DOK6: variants seen among roughly 807,000 people sequenced by gnomAD.
DOK6 encodes the protein docking protein 6.
DOK6 carries 22 observed loss-of-function variants against 44.0 expected under a neutral mutation model. The ratio of observed to expected loss-of-function variants is 0.50; its 90% CI spans 0.36 to 0.71. The LOEUF (loss-of-function observed/expected upper bound fraction) is 0.71, where lower values mean the gene tolerates loss of function less well. Among genes scored for constraint, DOK6 ranks in the 30% least tolerant of loss-of-function variants. The pLI is 0.00. For synonymous variants in DOK6, 166 were observed against 145.5 expected, an observed-to-expected ratio of 1.14 and a Z score of -1.01; for missense variants, 340 against 416.4, an observed-to-expected ratio of 0.82 and a Z score of 1.60.
chr18:69,648,748 G>T (rs1985147538), intron 3 of DOK6, among the ~76,000 whole-genome samples: 1 of 152,184 alleles, frequency 6.6e-6, no homozygotes, highest in Non-Finnish European at 1.5e-5. Context: ...GGTGGAATTT[G>T]TAGAAAATAA....
chr18:69,416,180 AC>A (rs1436253742), intron 1 of DOK6, among the ~76,000 whole-genome samples: 12 of 2,302 alleles, frequency 5.2e-3, no homozygotes, highest in Admixed American at 0.012. Flanking sequence ...GAAGGAAGGA[AC>A]GAAGGAAGGA....
At chr18:69,729,720 A>G (rs756435411) in intron 5 of DOK6, among the ~76,000 whole-genome samples, 98 of 152,264 alleles carry the variant, frequency 6.4e-4, no homozygotes, top group Non-Finnish European at 1.0e-3. Flanking sequence ...CCCACACACA[A>G]TCTGTTCAAA....
rs565498901 is a variant in DOK6, at chr18:69,412,088, C to T, written c.66+10778C>T. Among the ~76,000 whole-genome samples the T allele has an allele frequency of 6.6e-5, 10 of 152,218 alleles. No homozygotes were observed. The South Asian group carries it at 1.5e-3, about 22-fold the overall frequency. On this transcript the variant is annotated intron_variant, in intron 1 of 7. Coordinates refer to ENST00000382713, the MANE Select transcript of DOK6 (RefSeq NM_152721.6). The stretch of plus-strand genomic sequence containing the variant: ...TATCAGTTTTATCTTTGGTAGTTTT[C>T]GATGCCTTCGAATATATATACTTTT...
chr18:69,630,239 A>G (rs989101873), intron 3 of DOK6, among the ~76,000 whole-genome samples: 3 of 152,188 alleles, frequency 2.0e-5, no homozygotes, highest in Admixed American at 6.5e-5. Flanking sequence ...GAAAGGCTAG[A>G]AAGACCTAAC....
chr18:69,717,688 T>C (rs1986915657), intron 5 of DOK6, among the ~76,000 whole-genome samples: 1 of 152,172 alleles, frequency 6.6e-6, no homozygotes, highest in Admixed American at 6.5e-5. Flanking sequence ...AGTTTGAAAA[T>C]TTCAGCATGC....
chr18:69,772,724 G>A (rs1021510783), intron 7 of DOK6, among the ~76,000 whole-genome samples: 1 of 151,870 alleles, frequency 6.6e-6, no homozygotes, highest in Non-Finnish European at 1.5e-5. Flanking sequence ...AAAGACAAAG[G>A]TTAAGGCCTG....
At chr18:69,638,524 T>G (rs1017185509) in intron 3 of DOK6, among the ~76,000 whole-genome samples, 2 of 152,104 alleles carry the variant, frequency 1.3e-5, no homozygotes, top group Non-Finnish European at 2.9e-5. Flanking sequence ...CCACATGTAT[T>G]TATTTCCAGG....
At position 69,617,730 on chromosome 18, in the gene DOK6, G is replaced by GAAAAA; in HGVS notation, c.289+18232_289+18233insAAAAA. ...AGAAAAGAAAGAAAGAAAGAAAAAAGGGGGAAGGAGGGAAGGAAGGAAGGA... is the reference window on the plus strand; with the variant it reads ...AGAAAAGAAAGAAAGAAAGAAAAAAGAAAAAGGGGAAGGAGGGAAGGAAGGAAGGA... On this transcript the variant is annotated intron_variant, in intron 3 of 7. Coordinates refer to ENST00000382713, the MANE Select transcript of DOK6 (RefSeq NM_152721.6). 1.8e-3 allele frequency among the ~76,000 whole-genome samples: 163 copies of GAAAAA among 88,634 alleles called. 5 individuals carry two copies. The highest frequency in any genetic ancestry group is 3.5e-3 in the Admixed American group (25 of 7,212). The allele number at this position is 88,634 out of a possible 152,430, so 58.1% of individuals were successfully genotyped here.
intron 1 of DOK6, among the ~76,000 whole-genome samples, chr18:69,407,116 G>A (rs529024808): frequency 6.6e-6 from 1 of 152,268 alleles, no homozygotes; most frequent in African/African-American, 2.4e-5. Flanking sequence ...ATATATATTT[G>A]ACATAAATGT....
At chr18:69,441,640 C>A (rs1979139484) in intron 1 of DOK6, among the ~76,000 whole-genome samples, 1 of 152,072 alleles carries the variant, frequency 6.6e-6, no homozygotes, top group African/African-American at 2.4e-5. Context: ...TTTGAGCCCA[C>A]CAGAACATGC....
chr18:69,642,815 A>T (rs1984976913), intron 3 of DOK6, among the ~76,000 whole-genome samples: 1 of 152,184 alleles, frequency 6.6e-6, no homozygotes. Context: ...TGGATATGGT[A>T]GATGTTGCCA....
intron 3 of DOK6, among the ~76,000 whole-genome samples, chr18:69,603,032 A>G (rs2144624570): frequency 6.6e-6 from 1 of 152,374 alleles, no homozygotes; most frequent in Non-Finnish European, 1.5e-5. Flanking sequence ...GTCATGAACA[A>G]TAATGAAGAA....
intron 2 of DOK6, among the ~76,000 whole-genome samples, chr18:69,579,707 G>T (rs1175332604): frequency 6.6e-6 from 1 of 152,018 alleles, no homozygotes; most frequent in Non-Finnish European, 1.5e-5. Context: ...GGAATTACAG[G>T]CACCCACCAC....
At chr18:69,552,288 G>A (rs1002922549) in intron 1 of DOK6, among the ~76,000 whole-genome samples, 1 of 151,874 alleles carries the variant, frequency 6.6e-6, no homozygotes, top group South Asian at 2.1e-4. Flanking sequence ...AGGACATTTG[G>A]AAATATATTA....
intron 3 of DOK6, among the ~76,000 whole-genome samples, chr18:69,648,519 T>C (rs1445609498): frequency 6.6e-6 from 1 of 152,252 alleles, no homozygotes; most frequent in East Asian, 1.9e-4. Flanking sequence ...TGAGAGTTTA[T>C]GTAAATGACC....
chr18:69,429,171 G>T (rs1183377751), intron 1 of DOK6, among the ~76,000 whole-genome samples: 1 of 152,054 alleles, frequency 6.6e-6, no homozygotes. Context: ...CAAAAATTTT[G>T]TTGTAATATA....
chr18:69,811,408 T>G (rs950243651), intron 7 of DOK6, among the ~76,000 whole-genome samples: 10 of 151,554 alleles, frequency 6.6e-5, no homozygotes, highest in African/African-American at 2.2e-4. Flanking sequence ...TAACTATAGT[T>G]AATAAAAATC....
chr18:69,419,811 G>A (rs1420267584), intron 1 of DOK6, among the ~76,000 whole-genome samples: 1 of 152,112 alleles, frequency 6.6e-6, no homozygotes, highest in Non-Finnish European at 1.5e-5. Flanking sequence ...ATAAACATTT[G>A]TTAAATTGTT....
intron 4 of DOK6, among the ~76,000 whole-genome samples, chr18:69,693,140 CCTAT>C (rs1986304046): frequency 6.6e-6 from 1 of 152,022 alleles, no homozygotes; most frequent in African/African-American, 2.4e-5. Flanking sequence ...AGATTTAACT[CCTAT>C]CTGTGGAAAA....
Sources: allele counts gnomAD v4.1 joint callset (sites outside exome capture counted in the v4.1 genomes callset), GRCh38; gene constraint gnomAD v4.1.1; transcripts MANE v1.5; gene names NCBI Gene and HGNC (gene_info 2026-07-23, HGNC 2026-07-21).